BPIFB4: variants seen among roughly 807,000 people sequenced by gnomAD.
BPIFB4 encodes the protein BPI fold containing family B member 4.
In BPIFB4, 62 loss-of-function variants were observed where a neutral mutation model predicts 69.2. The ratio of observed to expected loss-of-function variants is 0.90; its 90% CI spans 0.73 to 1.11. BPIFB4 has a LOEUF of 1.11. Among genes scored for constraint, BPIFB4 ranks in the 50% least tolerant of loss-of-function variants. The pLI, the probability that BPIFB4 is intolerant of heterozygous loss-of-function variation, is 0.00. For missense variants in BPIFB4, 789 were observed against 792.0 expected (o/e 1.00, Z 0.04); for synonymous variants, 330 against 332.7 (o/e 0.99, Z 0.09).
intron 12 of BPIFB4, among the ~76,000 whole-genome samples, chr20:33,097,410 G>A (rs917314160): frequency 6.6e-6 from 1 of 152,208 alleles, no homozygotes; most frequent in Non-Finnish European, 1.5e-5. Flanking sequence ...CATGATCACA[G>A]TTATTTCTCA....
At chr20:33,093,327 T>C (rs1459819393) in intron 11 of BPIFB4, among the ~76,000 whole-genome samples, 2 of 148,280 alleles carry the variant, frequency 1.3e-5, no homozygotes, top group Non-Finnish European at 3.0e-5. Flanking sequence ...TCCCATTCAT[T>C]TGTATATCCA....
intron 14 of BPIFB4, among the ~76,000 whole-genome samples, 189 bp from the exon 15 acceptor site, chr20:33,102,783 C>T (rs1222096359): frequency 6.6e-6 from 1 of 152,144 alleles, no homozygotes; most frequent in African/African-American, 2.4e-5. Context: ...TGCATGAAGC[C>T]CTTAGCATGG....
chr20:33,107,510 C>CCTA (rs1982102587), intron 16 of BPIFB4, among the ~76,000 whole-genome samples: 2 of 152,292 alleles, frequency 1.3e-5, no homozygotes, highest in South Asian at 4.2e-4. Context: ...TTGGCATGTG[C>CCTA]CTATAATCCC....
In BPIFB4 at chr20:33,085,011, C is replaced by A. The variant is rs1446543549; in HGVS notation, c.782+15C>A. 3.1e-6 allele frequency: 5 copies of A among 1,607,734 alleles called. No homozygotes were observed. Among genetic ancestry groups the A allele is most frequent in the Non-Finnish European group, 4.2e-6 (5 of 1,178,678 alleles). On this transcript the variant is annotated intron_variant, in intron 6 of 17. Coordinates refer to ENST00000375483, the MANE Select transcript of BPIFB4 (RefSeq NM_182519.3). ...AACGGGAAGAGGTGCGTGCCCTTGG[C>A]CCTGGAGGGGTCCCCACCACCCTAT...
At chr20:33,106,210 G>T (rs568827792) in intron 16 of BPIFB4, among the ~76,000 whole-genome samples, 9 of 151,970 alleles carry the variant, frequency 5.9e-5, no homozygotes, top group Non-Finnish European at 1.3e-4. Flanking sequence ...TAATTAGCAG[G>T]TTTACTTAGG....
intron 17 of BPIFB4, among the ~76,000 whole-genome samples, chr20:33,108,488 A>G (rs1982141980): frequency 6.8e-6 from 1 of 146,390 alleles, no homozygotes; most frequent in Admixed American, 7.1e-5. Context: ...GCTGCTTTTC[A>G]TTCCAGTCTT....
In BPIFB4 at chr20:33,089,640, G is replaced by C. The variant is rs147463071; in HGVS notation, c.1051+82G>C. The C allele has an allele frequency of 1.3e-3, 2,024 of 1,606,906 alleles. 32 individuals are homozygous for C. In the African/African-American group the frequency reaches 0.023, roughly 18 times the overall value. ...TGGGAGGAGGGCTCAATGTGGTGGG[G>C]GCCACAGACCTGCCCTTAGGCCCTT... On this transcript the variant is annotated intron_variant, in intron 9 of 17. Transcript: ENST00000375483.
At position 33,094,926 on chromosome 20, in the gene BPIFB4, G is replaced by A. The variant is rs557324958; in HGVS notation, c.1345-174G>A. Among the ~76,000 whole-genome samples the A allele has an allele frequency of 1.0e-3, 156 of 152,304 alleles. 2 individuals are homozygous for A. Among genetic ancestry groups the A allele is most frequent in the Non-Finnish European group, 2.0e-3 (134 of 68,044 alleles). On this transcript the variant is annotated intron_variant, in intron 11 of 17. Transcript: ENST00000375483. ...CCACAAACTGGCTACGGTGATCTGC[G>A]TATGGTGATGATGGCTGGGTAGGCA...
chr20:33,110,049 C>A (rs1320965945), intron 17 of BPIFB4, among the ~76,000 whole-genome samples: 1 of 152,148 alleles, frequency 6.6e-6, no homozygotes, highest in Non-Finnish European at 1.5e-5. Flanking sequence ...AAACAGAGTA[C>A]CATGATCAAA....
At chr20:33,096,371 G>C (rs747204522) in intron 12 of BPIFB4, among the ~76,000 whole-genome samples, 2 of 152,162 alleles carry the variant, frequency 1.3e-5, no homozygotes, top group Non-Finnish European at 1.5e-5. Flanking sequence ...TGCCTCCCTG[G>C]TTCAAGCAAT....
At chr20:33,102,940 T>C (rs1490443869) in intron 14 of BPIFB4, 32 bp from the exon 15 acceptor site, 5 of 1,611,970 alleles carry the variant, frequency 3.1e-6, no homozygotes, top group Non-Finnish European at 4.2e-6. Context: ...AGGCAATCCC[T>C]GCTTCTCACA....
intron 10 of BPIFB4, among the ~76,000 whole-genome samples, chr20:33,091,552 C>T (rs550753395): frequency 2.6e-5 from 4 of 152,390 alleles, no homozygotes; most frequent in East Asian, 3.9e-4. Context: ...GGAGTGCATC[C>T]GTGCTCCCGT....
At chr20:33,088,753 G>T (rs939655232) in intron 7 of BPIFB4, among the ~76,000 whole-genome samples, 1 of 152,198 alleles carries the variant, frequency 6.6e-6, no homozygotes, top group African/African-American at 2.4e-5. Context: ...ATGAATGAAT[G>T]CATGAATTCA....
chr20:33,090,074 G>A (rs372317060), intron 9 of BPIFB4, among the ~76,000 whole-genome samples: 1 of 152,206 alleles, frequency 6.6e-6, no homozygotes, highest in Admixed American at 6.5e-5. Context: ...CGCCCTGTAT[G>A]GCTGTGCCAT....
chr20:33,097,719 T>C lies in BPIFB4; in HGVS notation c.1501T>C (p.Leu501=), dbSNP rs745914975. ...LQKDKALVKV[L]ATAEVMVSQP... is the part of the protein sequence containing the mutation. ...GAAGGACAAAGCGCTGGTGAAGGTG[T>C]TGGCCACTGCCGAGGTCATGGTCTC... is the stretch of plus-strand genomic sequence containing the variant. Residue 501 remains leucine (L), a synonymous_variant, in exon 13 of 18, where the codon TTG becomes CTG. Coordinates refer to ENST00000375483, the MANE Select transcript of BPIFB4 (RefSeq NM_182519.3). 4.3e-6 allele frequency: 7 copies of C among 1,614,168 alleles called. No homozygotes were observed. The highest frequency in any genetic ancestry group is 1.3e-5 in the African/African-American group (1 of 75,058).
At chr20:33,094,976 GAGAGA>G in intron 11 of BPIFB4, 119 bp from the exon 12 acceptor site, 1 of 924,366 alleles carries the variant, frequency 1.1e-6, no homozygotes, top group Non-Finnish European at 1.8e-6. Context: ...GTCTTTCAGG[GAGAGA>G]AGACGAAGAC....
intron 3 of BPIFB4, 81 bp downstream of exon 3, chr20:33,081,713 CCTCCTGCTAGCAGAG>C: frequency 2.0e-6 from 3 of 1,521,542 alleles, no homozygotes; most frequent in Non-Finnish European, 2.7e-6. Context: ...CCAGGAACCT[CCTCCTGCTAGCAGAG>C]TTCACATCGG....
At chr20:33,103,859 G>C (rs1413467442) in intron 15 of BPIFB4, among the ~76,000 whole-genome samples, 1 of 152,216 alleles carries the variant, frequency 6.6e-6, no homozygotes, top group Non-Finnish European at 1.5e-5. Flanking sequence ...GTTGGGATTA[G>C]AACTGAAATC....
rs1211974176 is a variant in BPIFB4, at chr20:33,104,791, C to G, written c.1681-19C>G. 10 of 1,613,414 alleles carry G rather than the reference C, an allele frequency of 6.2e-6. No homozygotes were observed. Among genetic ancestry groups the G allele is most frequent in the Admixed American group, 1.7e-5 (1 of 59,978 alleles). On this transcript the variant is annotated intron_variant, in intron 15 of 17. Transcript: ENST00000375483. ...AGCAAACCCCCTGCCCAGGCTCTGT[C>G]CTCCTTCTTCCTCTGCAGATTGGCC...
Sources: gnomAD v4.1 joint callset for allele counts (sites outside exome capture counted in the v4.1 genomes callset) on GRCh38, gnomAD v4.1.1 for gene constraint, MANE v1.5 for transcripts, NCBI Gene and HGNC (gene_info 2026-07-23, HGNC 2026-07-21) for gene names.